The following DPH6 variants were observed in gnomAD, a reference collection of about 807,000 sequenced individuals.
DPH6 encodes diphthamine biosynthesis 6, also known as diphthine--ammonia ligase.
DPH6 carries 33 observed loss-of-function variants against 38.2 expected under a neutral mutation model. That is an observed-to-expected ratio of 0.86 (90% CI 0.65 to 1.15). DPH6 has a LOEUF of 1.15. Among genes scored for constraint, DPH6 ranks in the 50% most tolerant of loss-of-function variants. The pLI is 0.00. For synonymous variants in DPH6, 108 were observed against 103.0 expected, an observed-to-expected ratio of 1.05 and a Z score of -0.30; for missense variants, 325 against 320.0, an observed-to-expected ratio of 1.02 and a Z score of -0.12.
chr15:35,282,687 C>G (rs1816291060), intron 3 of DPH6: 1 of 400,196 alleles, frequency 2.5e-6, no homozygotes, highest in South Asian at 2.2e-5. Flanking sequence ...CAACTAGGTG[C>G]AATTTACATT....
chr15:35,298,717 C>A (rs1392364194), intron 3 of DPH6: 16 of 1,582,540 alleles, frequency 1.0e-5, no homozygotes, highest in Non-Finnish European at 1.3e-5. Flanking sequence ...GGAAGCCGTA[C>A]TTCTGTATGA....
chr15:35,170,608 G>A, the DPH6 span, among the ~76,000 whole-genome samples: 1 of 152,130 alleles, frequency 6.6e-6, no homozygotes, highest in South Asian at 2.1e-4. Flanking sequence ...TAATATGCAT[G>A]TATGAATGTA....
At chr15:35,420,552 T>C (rs2053492059) in intron 5 of DPH6, among the ~76,000 whole-genome samples, 1 of 152,236 alleles carries the variant, frequency 6.6e-6, no homozygotes, top group African/African-American at 2.4e-5. Flanking sequence ...AGTCTCGCTC[T>C]GTTGCCCGGG....
downstream of DPH6, among the ~76,000 whole-genome samples, chr15:35,326,841 C>T (rs1275484414): frequency 1.3e-5 from 2 of 152,164 alleles, no homozygotes; most frequent in Admixed American, 6.5e-5. Flanking sequence ...CCCATCCCTA[C>T]CTCACTAAGA....
intron 2 of DPH6, among the ~76,000 whole-genome samples, chr15:35,540,458 C>T (rs1029033751): frequency 9.2e-5 from 14 of 152,064 alleles, no homozygotes; most frequent in African/African-American, 3.1e-4. Context: ...TTTCATAACA[C>T]TCATAGGAAA....
At chr15:35,196,393 G>A in the DPH6 span, among the ~76,000 whole-genome samples, 1 of 152,128 alleles carries the variant, frequency 6.6e-6, no homozygotes, top group Non-Finnish European at 1.5e-5. Context: ...TTAATGATGA[G>A]GATACAGACG....
rs906940037 is a variant in DPH6, at chr15:35,249,069, C to T, written n.201-28487G>A. ...ATTATATTACAGATTTCCAGACCTTCGGAATGTTTTATAATTACCTGAAGA... is the reference window on the plus strand; with the variant it reads ...ATTATATTACAGATTTCCAGACCTTTGGAATGTTTTATAATTACCTGAAGA... On this transcript the variant is annotated intron_variant and non_coding_transcript_variant, in intron 3 of 3. Coordinates refer to the DPH6 transcript ENST00000560386. 6.6e-5 allele frequency among the ~76,000 whole-genome samples: 10 copies of T among 152,300 alleles called. 1 individual carries two copies. Among genetic ancestry groups the T allele is most frequent in the East Asian group, 5.8e-4 (3 of 5,194 alleles).
chr15:35,524,475 C>T (rs1022136019), intron 3 of DPH6, among the ~76,000 whole-genome samples: 1 of 152,104 alleles, frequency 6.6e-6, no homozygotes, highest in East Asian at 1.9e-4. Context: ...TTTACACATA[C>T]CTTATTGGTT....
chr15:35,520,220 C>CAAAAAAA (rs1353792195), intron 3 of DPH6: 5 of 445,314 alleles, frequency 1.1e-5, no homozygotes, highest in African/African-American at 7.0e-5. Flanking sequence ...AAACATGCTA[C>CAAAAAAA]AAAAAAAAAC....
At chr15:35,214,773 AT>A (rs1353883420), downstream of DPH6, among the ~76,000 whole-genome samples, 1 of 152,018 alleles carries the variant, frequency 6.6e-6, no homozygotes, top group Non-Finnish European at 1.5e-5. Flanking sequence ...CATCCGGCTA[AT>A]TTTTTGTATT....
At chr15:35,267,857 G>C (rs969035485) in intron 3 of DPH6, among the ~76,000 whole-genome samples, 1 of 152,062 alleles carries the variant, frequency 6.6e-6, no homozygotes, top group African/African-American at 2.4e-5. Flanking sequence ...AAAACTGTTT[G>C]AATTTGGTGT....
intron 3 of DPH6, chr15:35,299,081 C>A: frequency 1.3e-6 from 1 of 774,372 alleles, no homozygotes; most frequent in South Asian, 1.6e-5. Flanking sequence ...TTCCAGCTCC[C>A]GCTGTCTTTG....
chr15:35,237,583 G>C (rs1473397085), intron 3 of DPH6: 10 of 1,579,934 alleles, frequency 6.3e-6, no homozygotes, highest in African/African-American at 5.4e-5. Context: ...TGGCAGAAAA[G>C]TGTCCGAACC....
chr15:35,403,788 C>T (rs1046068935), intron 6 of DPH6, among the ~76,000 whole-genome samples: 12 of 151,860 alleles, frequency 7.9e-5, no homozygotes, highest in African/African-American at 2.9e-4. Flanking sequence ...ACATTAAAGG[C>T]ATAAGCCATC....
At chr15:35,537,290 T>C (rs1034589839) in intron 3 of DPH6, among the ~76,000 whole-genome samples, 1 of 152,090 alleles carries the variant, frequency 6.6e-6, no homozygotes, top group African/African-American at 2.4e-5. Flanking sequence ...AAATGCAATG[T>C]ACCTTTGTAG....
At chr15:35,193,738 A>G in the DPH6 span, among the ~76,000 whole-genome samples, 1 of 152,228 alleles carries the variant, frequency 6.6e-6, no homozygotes, top group South Asian at 2.1e-4. Context: ...AATTTATTCC[A>G]TGTCATGGAT....
At position 35,238,022 on chromosome 15, in the gene DPH6, C is replaced by T. The variant is rs887362575; in HGVS notation, n.201-17440G>A. 18 of 1,546,874 alleles carry T rather than the reference C, an allele frequency of 1.2e-5. No individual in the cohort carries two copies. The African/African-American group carries it at 1.5e-4, about 13-fold the overall frequency. ...CCGTGAAGAAGAAAGGGGTCAGAAG[C>T]GAAAAGGAGAACCTGAAGATGAGGG... On this transcript the variant is annotated intron_variant and non_coding_transcript_variant, in intron 3 of 3. Coordinates refer to the DPH6 transcript ENST00000560386.
intron 5 of DPH6, among the ~76,000 whole-genome samples, chr15:35,444,963 G>C (rs898505601): frequency 5.3e-5 from 8 of 152,256 alleles, no homozygotes; most frequent in Admixed American, 2.0e-4. Context: ...TATTACTGTG[G>C]TACATTAGTA....
chr15:35,214,426 T>G (rs150157878), downstream of DPH6, among the ~76,000 whole-genome samples: 14 of 152,312 alleles, frequency 9.2e-5, no homozygotes, highest in Middle Eastern at 3.4e-3. Context: ...CATGTTTTTA[T>G]GTTGCTCAGG....
Sources: allele counts gnomAD v4.1 joint callset (sites outside exome capture counted in the v4.1 genomes callset), GRCh38; gene constraint gnomAD v4.1.1; transcripts MANE v1.5; gene names NCBI Gene and HGNC (gene_info 2026-07-23, HGNC 2026-07-21).